CTNNA3: variants seen among roughly 807,000 people sequenced by gnomAD.
CTNNA3 encodes catenin alpha-3.
Under a neutral mutation model 95.7 loss-of-function variants are expected in CTNNA3, and 76 were observed. The observed-to-expected ratio is 0.79, with a 90% CI of 0.66 to 0.96. The LOEUF (loss-of-function observed/expected upper bound fraction) is 0.96, where lower values mean the gene tolerates loss of function less well. Ranked by LOEUF, CTNNA3 falls within the 40% of genes least tolerant of loss-of-function variation. The pLI, the probability that CTNNA3 is intolerant of heterozygous loss-of-function variation, is 0.00. For synonymous variants in CTNNA3, 431 were observed against 374.4 expected, an observed-to-expected ratio of 1.15 and a Z score of -1.74; for missense variants, 1,191 against 1,089.8, an observed-to-expected ratio of 1.09 and a Z score of -1.31.
chr10:66,406,243 A>C (rs1379422617), intron 11 of CTNNA3, among the ~76,000 whole-genome samples: 1 of 152,178 alleles, frequency 6.6e-6, no homozygotes, highest in Non-Finnish European at 1.5e-5. Context: ...TGGGCATGAA[A>C]CATAACTCAG....
At chr10:67,062,954 G>A (rs1016544983) in intron 7 of CTNNA3, among the ~76,000 whole-genome samples, 1 of 152,072 alleles carries the variant, frequency 6.6e-6, no homozygotes, top group African/African-American at 2.4e-5. Context: ...TCTCTCATAT[G>A]CTGAGAGTTA....
chr10:66,832,002 T>C (rs1158914263), intron 7 of CTNNA3, among the ~76,000 whole-genome samples: 1 of 152,168 alleles, frequency 6.6e-6, no homozygotes, highest in Admixed American at 6.6e-5. Flanking sequence ...AAGGAATGAA[T>C]TTGGTCAGGT....
chr10:65,986,438 A>C lies in CTNNA3; in HGVS notation c.2265+2254T>G, dbSNP rs115326244. On this transcript the variant is annotated intron_variant, in intron 16 of 17. Transcript: ENST00000433211. ...ACACACAAATAGTGAACAATCTAAA[A>C]AAGAAATCAGGCAAGCAATCCTATT... Among the ~76,000 whole-genome samples the C allele has an allele frequency of 3.8e-3, 582 of 151,692 alleles. 4 individuals are homozygous for C. Among genetic ancestry groups the C allele is most frequent in the African/African-American group, 0.013 (542 of 41,530 alleles).
At position 66,280,465 on chromosome 10, in the gene CTNNA3, C is replaced by T. The variant is rs766237431; in HGVS notation, c.1884+5G>A. The T allele has an allele frequency of 2.5e-6, 4 of 1,601,206 alleles. No homozygotes were observed. Among genetic ancestry groups the T allele is most frequent in the Admixed American group, 3.5e-5 (2 of 57,930 alleles). ...ATAATTCAATGGAAGGAAAAGCAAA[C>T]TTACCCGAATCATCATGACTGAACA... On this transcript the variant is annotated splice_donor_5th_base_variant and intron_variant, in intron 13 of 17. Transcript: ENST00000433211.
chr10:66,615,537 T>C (rs1224903265), intron 10 of CTNNA3, among the ~76,000 whole-genome samples: 1 of 151,870 alleles, frequency 6.6e-6, no homozygotes, highest in African/African-American at 2.4e-5. Context: ...TAAAAAAATA[T>C]TTTTTATTGA....
At chr10:67,016,608 A>G (rs1044915282) in intron 7 of CTNNA3, among the ~76,000 whole-genome samples, 2 of 152,170 alleles carry the variant, frequency 1.3e-5, no homozygotes, top group African/African-American at 4.8e-5. Context: ...CTTATGTATC[A>G]CGCAGAAACT....
At chr10:67,418,514 T>TAA (rs71006149) in intron 5 of CTNNA3, among the ~76,000 whole-genome samples, 6,490 of 144,190 alleles carry the variant, frequency 0.045, 268 homozygotes, top group African/African-American at 0.1. Flanking sequence ...TATTTCACTG[T>TAA]AAAAAAAAAA....
At chr10:66,964,019 G>A (rs902124403) in intron 7 of CTNNA3, among the ~76,000 whole-genome samples, 14 of 150,982 alleles carry the variant, frequency 9.3e-5, no homozygotes, top group East Asian at 3.9e-4. Context: ...GCTAATTTTC[G>A]TATTTTTTTT....
intron 7 of CTNNA3, among the ~76,000 whole-genome samples, chr10:67,139,442 C>T (rs141722138): frequency 2.0e-3 from 297 of 151,808 alleles, no homozygotes; most frequent in African/African-American, 6.9e-3. Context: ...CCACCATACC[C>T]GGCCTATTTT....
intron 11 of CTNNA3, among the ~76,000 whole-genome samples, chr10:66,504,414 C>T (rs904244946): frequency 1.3e-5 from 2 of 152,122 alleles, no homozygotes; most frequent in African/African-American, 4.8e-5. Flanking sequence ...AAGTCTATTG[C>T]AACAACAACT....
chr10:66,665,690 T>A (rs963756194), intron 9 of CTNNA3, among the ~76,000 whole-genome samples: 3 of 152,186 alleles, frequency 2.0e-5, no homozygotes, highest in African/African-American at 7.2e-5. Flanking sequence ...GGCCTGATGT[T>A]CTAAAAGTCT....
chr10:66,272,560 TG>T (rs2091304783), intron 13 of CTNNA3, among the ~76,000 whole-genome samples: 1 of 151,648 alleles, frequency 6.6e-6, no homozygotes, highest in East Asian at 2.0e-4. Flanking sequence ...GCCCTGTGGG[TG>T]GAGACAATGC....
intron 5 of CTNNA3, among the ~76,000 whole-genome samples, chr10:67,504,110 TCACGC>T (rs1001499113): frequency 7.0e-6 from 1 of 142,972 alleles, no homozygotes; most frequent in Non-Finnish European, 1.5e-5. Flanking sequence ...TGAGCCGAGA[TCACGC>T]CACTGCACTC....
At chr10:67,285,875 C>T (rs771446715) in intron 5 of CTNNA3, among the ~76,000 whole-genome samples, 9 of 152,050 alleles carry the variant, frequency 5.9e-5, no homozygotes, top group African/African-American at 2.2e-4. Flanking sequence ...GAAAAAACAC[C>T]AGGCAATCAG....
chr10:66,757,282 CTA>C (rs1839400175), intron 9 of CTNNA3, among the ~76,000 whole-genome samples: 1 of 152,096 alleles, frequency 6.6e-6, no homozygotes, highest in African/African-American at 2.4e-5. Flanking sequence ...AGTGGCAACT[CTA>C]AATGCATTTT....
chr10:66,383,729 C>T (rs2092862743), intron 11 of CTNNA3, among the ~76,000 whole-genome samples: 1 of 152,182 alleles, frequency 6.6e-6, no homozygotes, highest in South Asian at 2.1e-4. Flanking sequence ...GGAAGCCCAT[C>T]AGACTAACAG....
intron 7 of CTNNA3, chr10:66,926,632 C>CA: frequency 1.9e-6 from 3 of 1,598,182 alleles, no homozygotes; most frequent in African/African-American, 2.7e-5. Flanking sequence ...AAACAAAAAA[C>CA]AAAAAACCTC....
chr10:66,120,014 T>C (rs963638343), intron 13 of CTNNA3, among the ~76,000 whole-genome samples: 11 of 152,208 alleles, frequency 7.2e-5, no homozygotes, highest in African/African-American at 2.7e-4. Flanking sequence ...CAACTCTGAA[T>C]ATACACTATG....
At chr10:67,051,238 T>C (rs2133184999) in intron 7 of CTNNA3, among the ~76,000 whole-genome samples, 1 of 152,322 alleles carries the variant, frequency 6.6e-6, no homozygotes. Flanking sequence ...AGACGTGAAC[T>C]AAATTTTCTC....
Sources: gnomAD v4.1 joint callset for allele counts (sites outside exome capture counted in the v4.1 genomes callset) on GRCh38, gnomAD v4.1.1 for gene constraint, MANE v1.5 for transcripts, NCBI Gene and HGNC (gene_info 2026-07-23, HGNC 2026-07-21) for gene names.